Variants in RABGAP1 observed in about 807,000 individuals in gnomAD.
The protein encoded by RABGAP1 is RAB GTPase activating protein 1.
Under a neutral mutation model 137.6 loss-of-function variants are expected in RABGAP1, and 23 were observed. The ratio of observed to expected loss-of-function variants is 0.17; its 90% confidence interval spans 0.12 to 0.24. RABGAP1 has a LOEUF of 0.24. Among genes scored for constraint, RABGAP1 ranks in the 10% least tolerant of loss-of-function variants. The probability of loss-of-function intolerance (pLI) is 1.00; values close to 1 mark genes in which losing one functional copy is unlikely to be tolerated. For missense variants in RABGAP1, 906 were observed against 1,275.8 expected (o/e 0.71, Z 4.42); for synonymous variants, 451 against 450.7 (o/e 1.00, Z -0.01).
chr9:123,034,978 A>G lies in RABGAP1; in HGVS notation c.1794+14519A>G, dbSNP rs151065550. On this transcript the variant is annotated intron_variant, in intron 13 of 25. Coordinates refer to ENST00000373647, the MANE Select transcript of RABGAP1 (RefSeq NM_012197.4). ...TGCCATTACTAAACCTTTAACCTATAATACTCTGGTTACACCCTGGAGACT... is the reference window on the plus strand; with the variant it reads ...TGCCATTACTAAACCTTTAACCTATGATACTCTGGTTACACCCTGGAGACT... 9.6e-5 allele frequency: 155 copies of G among 1,613,532 alleles called. No individual in the cohort carries two copies. The highest frequency in any genetic ancestry group is 1.2e-4 in the Non-Finnish European group (136 of 1,179,676).
chr9:123,019,136 C>G (rs1190607438), intron 12 of RABGAP1, among the ~76,000 whole-genome samples: 1 of 152,048 alleles, frequency 6.6e-6, no homozygotes, highest in Non-Finnish European at 1.5e-5. Flanking sequence ...TTAATTTTCC[C>G]CATTTTATAG....
intron 14 of RABGAP1, chr9:123,065,681 T>G: frequency 2.1e-6 from 1 of 467,894 alleles, no homozygotes; most frequent in Non-Finnish European, 3.9e-6. Context: ...CCCCTTCTAA[T>G]CAGGATTTTT....
intron 19 of RABGAP1, among the ~76,000 whole-genome samples, chr9:123,078,247 A>G (rs1035780076): frequency 4.0e-5 from 6 of 149,048 alleles, no homozygotes; most frequent in Admixed American, 1.3e-4. Context: ...AGTGGATTAG[A>G]AAAAAAAAAG....
At chr9:123,015,658 T>C (rs1163692991) in intron 12 of RABGAP1, 22 bp downstream of exon 12, 2 of 1,524,814 alleles carry the variant, frequency 1.3e-6, no homozygotes, top group African/African-American at 2.7e-5. Flanking sequence ...TAGAATAGTT[T>C]TTTTTATCTG....
intron 13 of RABGAP1, among the ~76,000 whole-genome samples, chr9:123,036,220 A>G (rs1588310043): frequency 6.6e-6 from 1 of 152,264 alleles, no homozygotes; most frequent in East Asian, 1.9e-4. Context: ...ACACATAAAC[A>G]TTAATTTTAG....
chr9:123,065,372 A>T lies in RABGAP1; in HGVS notation c.1819A>T (p.Thr607Ser). 6.2e-7 allele frequency: 1 copy of T among 1,612,446 alleles called. No homozygotes were observed. Among genetic ancestry groups the T allele is most frequent in the Non-Finnish European group, 8.5e-7 (1 of 1,178,606 alleles). The change falls in exon 14 of 26, where the codon ACC (threonine) becomes TCC (serine). Residue 607 changes from threonine (T) to serine (S), a missense_variant. Physicochemically the swap from Thr to Ser is moderately conservative, Grantham distance 58. This residue lies in a region of RABGAP1 where 30 missense variants were observed against 105.8 expected (regional missense o/e 0.28). Transcript: ENST00000373647. ...TKESPQDSAI[T>S]RDINRTFPAH... ...GGAGTCTCCCCAGGACAGTGCTATC[A>T]CCCGGGATATTAACCGAACATTCCC... is the stretch of plus-strand genomic sequence containing the variant.
At chr9:122,995,978 A>G in intron 6 of RABGAP1, 63 bp from the exon 7 acceptor site, 1 of 1,510,730 alleles carries the variant, frequency 6.6e-7, no homozygotes, top group Non-Finnish European at 8.8e-7. Flanking sequence ...TTGTTTAAAA[A>G]AATGGTTCTA....
intron 1 of RABGAP1, among the ~76,000 whole-genome samples, chr9:122,950,789 T>C (rs934417395): frequency 2.6e-5 from 4 of 152,194 alleles, no homozygotes; most frequent in Admixed American, 1.3e-4. Flanking sequence ...GCTAGTGTTA[T>C]CAGCATACAA....
At chr9:123,066,759 A>G (rs769677911) in intron 14 of RABGAP1, among the ~76,000 whole-genome samples, 7 of 152,236 alleles carry the variant, frequency 4.6e-5, no homozygotes, top group Middle Eastern at 3.2e-3. Context: ...CCAGCAGACA[A>G]TTAGTCTCCA....
intron 13 of RABGAP1, among the ~76,000 whole-genome samples, chr9:123,047,847 AAC>A (rs1423935956): frequency 2.0e-5 from 3 of 151,746 alleles, no homozygotes; most frequent in African/African-American, 4.8e-5. Context: ...GTATCATTCA[AAC>A]ACAGATTTTC....
intron 13 of RABGAP1, among the ~76,000 whole-genome samples, chr9:123,057,188 C>T (rs1421282659): frequency 1.3e-5 from 2 of 151,508 alleles, no homozygotes; most frequent in Non-Finnish European, 2.9e-5. Context: ...GGGTGGCTGC[C>T]GGGCGGAGAC....
chr9:123,092,485 G>A (rs1306781738), intron 21 of RABGAP1, among the ~76,000 whole-genome samples: 2 of 152,066 alleles, frequency 1.3e-5, no homozygotes, highest in Admixed American at 6.5e-5. Flanking sequence ...TTTTTTAACA[G>A]CTATAAAACT....
chr9:123,029,465 ATAAGTCCTTTAC>A, intron 13 of RABGAP1: 4 of 1,483,268 alleles, frequency 2.7e-6, no homozygotes, highest in Non-Finnish European at 3.8e-6. Flanking sequence ...AACCAGTTTG[ATAAGTCCTTTAC>A]TAAGGAGCTC....
intron 10 of RABGAP1, among the ~76,000 whole-genome samples, chr9:123,008,188 G>A (rs2030473723): frequency 6.6e-6 from 1 of 152,108 alleles, no homozygotes; most frequent in South Asian, 2.1e-4. Flanking sequence ...ACTTCAAAAG[G>A]CAGCGTGTCC....
At chr9:122,938,203 A>G (rs1331273317), upstream of RABGAP1, 1 of 152,162 alleles carries the variant, frequency 6.6e-6, no homozygotes, top group Non-Finnish European at 1.5e-5. Context: ...GCAGCCTCCA[A>G]ACTATTCTAT....
chr9:123,069,809 A>G (rs1437491533), intron 14 of RABGAP1, among the ~76,000 whole-genome samples: 3 of 152,146 alleles, frequency 2.0e-5, no homozygotes, highest in Non-Finnish European at 2.9e-5. Flanking sequence ...CCTTGAGCCC[A>G]GGAGGTTGAC....
intron 13 of RABGAP1, among the ~76,000 whole-genome samples, chr9:123,042,366 A>G (rs925580132): frequency 2.0e-5 from 3 of 152,228 alleles, no homozygotes; most frequent in African/African-American, 7.2e-5. Context: ...TTTGAGAAAA[A>G]GTTCTCACAT....
At chr9:122,942,628 C>A (rs1178805809) in intron 1 of RABGAP1, among the ~76,000 whole-genome samples, 2 of 135,146 alleles carry the variant, frequency 1.5e-5, no homozygotes, top group Non-Finnish European at 3.1e-5. Flanking sequence ...CGATATTGTG[C>A]CATTGCACTC....
intron 13 of RABGAP1, chr9:123,035,036 C>T (rs745739988): frequency 6.2e-7 from 1 of 1,613,840 alleles, no homozygotes; most frequent in Non-Finnish European, 8.5e-7. Flanking sequence ...TGGCTATACT[C>T]GACCCTGGTC....
Sources: gnomAD v4.1 joint callset for allele counts (sites outside exome capture counted in the v4.1 genomes callset) on GRCh38, gnomAD v4.1.1 for gene constraint, gnomAD v4.1.1 regional missense constraint, MANE v1.5 for transcripts, NCBI Gene and HGNC (gene_info 2026-07-23, HGNC 2026-07-21) for gene names.